PPFIA2: variants seen among roughly 807,000 people sequenced by gnomAD.
PPFIA2 encodes liprin-alpha-2.
In PPFIA2, 46 loss-of-function variants were observed where a neutral mutation model predicts 175.5. The ratio of observed to expected loss-of-function variants is 0.26; its 90% CI spans 0.21 to 0.34. The LOEUF (loss-of-function observed/expected upper bound fraction) is 0.34. Among genes scored for constraint, PPFIA2 ranks in the 10% least tolerant of loss-of-function variants. The pLI is 1.00. For synonymous variants in PPFIA2, 568 were observed against 511.4 expected, an observed-to-expected ratio of 1.11 and a Z score of -1.49; for missense variants, 1,179 against 1,506.1, an observed-to-expected ratio of 0.78 and a Z score of 3.60.
At chr12:81,362,614 A>T in intron 15 of PPFIA2, 79 bp downstream of exon 15, 2 of 897,000 alleles carry the variant, frequency 2.2e-6, no homozygotes, top group Non-Finnish European at 3.5e-6. Flanking sequence ...GATTTATTTT[A>T]GTTGAGGACA....
chr12:81,331,117 C>A (rs898555583), intron 21 of PPFIA2, among the ~76,000 whole-genome samples: 8 of 152,118 alleles, frequency 5.3e-5, no homozygotes, highest in Non-Finnish European at 1.0e-4. Context: ...TACAGTCATG[C>A]GCCACATAAA....
intron 4 of PPFIA2, among the ~76,000 whole-genome samples, chr12:81,506,788 C>T (rs1387187241): frequency 6.6e-6 from 1 of 152,178 alleles, no homozygotes; most frequent in African/African-American, 2.4e-5. Context: ...TCTGACTATA[C>T]AGTCTCTTTC....
At chr12:81,625,839 T>G (rs2062633814) in intron 4 of PPFIA2, among the ~76,000 whole-genome samples, 1 of 147,898 alleles carries the variant, frequency 6.8e-6, no homozygotes, top group African/African-American at 2.4e-5. Context: ...TTTTATATAT[T>G]ATTAAATATA....
At chr12:81,672,196 A>C (rs1474620729) in intron 4 of PPFIA2, among the ~76,000 whole-genome samples, 1 of 152,014 alleles carries the variant, frequency 6.6e-6, no homozygotes, top group African/African-American at 2.4e-5. Context: ...TATAAGGTTG[A>C]AATAATTTAA....
intron 4 of PPFIA2, among the ~76,000 whole-genome samples, chr12:81,594,932 A>G (rs1459680474): frequency 6.6e-6 from 1 of 151,998 alleles, no homozygotes; most frequent in Non-Finnish European, 1.5e-5. Flanking sequence ...ATAAAATAAA[A>G]TAAAAATATT....
chr12:81,532,308 G>A (rs761193838), intron 4 of PPFIA2, among the ~76,000 whole-genome samples: 3 of 151,682 alleles, frequency 2.0e-5, no homozygotes, highest in Non-Finnish European at 4.4e-5. Context: ...TGTAGAAATA[G>A]GAGGATAGGG....
At chr12:81,718,010 T>C (rs888636361) in intron 3 of PPFIA2, among the ~76,000 whole-genome samples, 2 of 151,648 alleles carry the variant, frequency 1.3e-5, no homozygotes, top group Non-Finnish European at 3.0e-5. Context: ...TGTCCCTCAC[T>C]GGAGAGGCAC....
At chr12:81,403,800 G>A (rs145115353) in intron 8 of PPFIA2, among the ~76,000 whole-genome samples, 43 of 152,196 alleles carry the variant, frequency 2.8e-4, no homozygotes, top group African/African-American at 1.0e-3. Flanking sequence ...ACAGGCCACC[G>A]TGCATGCAGA....
chr12:81,267,603 TG>T (rs1319000325), intron 29 of PPFIA2, among the ~76,000 whole-genome samples: 1 of 152,142 alleles, frequency 6.6e-6, no homozygotes, highest in Non-Finnish European at 1.5e-5. Flanking sequence ...TAAATAGAAA[TG>T]ACTGCCTCTC....
intron 4 of PPFIA2, among the ~76,000 whole-genome samples, chr12:81,654,437 T>G (rs1199190952): frequency 6.6e-6 from 1 of 152,040 alleles, no homozygotes; most frequent in Non-Finnish European, 1.5e-5. Context: ...TGGATCTTGG[T>G]GATTTGTTTA....
At chr12:81,341,322 C>T in intron 19 of PPFIA2, 114 bp from the exon 20 acceptor site, 10 of 1,051,790 alleles carry the variant, frequency 9.5e-6, no homozygotes, top group Non-Finnish European at 1.3e-5. Flanking sequence ...CAAAATAAAA[C>T]AACAAAACTT....
chr12:81,398,004 C>T (rs1596068563), intron 8 of PPFIA2, among the ~76,000 whole-genome samples: 1 of 151,926 alleles, frequency 6.6e-6, no homozygotes. Flanking sequence ...AGAGCTCCCA[C>T]TGATTCTACA....
chr12:81,518,039 T>A (rs964960143), intron 4 of PPFIA2, among the ~76,000 whole-genome samples: 2 of 152,040 alleles, frequency 1.3e-5, no homozygotes, highest in Admixed American at 6.6e-5. Context: ...TGTATACATA[T>A]GCAACAAACT....
chr12:81,480,453 C>A (rs1216428987), intron 4 of PPFIA2, among the ~76,000 whole-genome samples: 1 of 152,130 alleles, frequency 6.6e-6, no homozygotes, highest in African/African-American at 2.4e-5. Context: ...TATTCCCTTG[C>A]TGGTAAGGAG....
chr12:81,263,504 A>G, intron 30 of PPFIA2, 114 bp from the exon 31 acceptor site: 1 of 882,650 alleles, frequency 1.1e-6, no homozygotes, highest in Non-Finnish European at 1.7e-6. Context: ...TCTGTCAAGT[A>G]TACGTATGGA....
chr12:81,696,030 T>G (rs116729340), intron 3 of PPFIA2, among the ~76,000 whole-genome samples: 2,314 of 152,340 alleles, frequency 0.015, 30 homozygotes, highest in South Asian at 0.042. Context: ...AGTGTTGGTA[T>G]TAATACAAGA....
At chr12:81,342,346 C>G (rs549187856) in intron 19 of PPFIA2, among the ~76,000 whole-genome samples, 1 of 151,912 alleles carries the variant, frequency 6.6e-6, no homozygotes, top group Non-Finnish European at 1.5e-5. Context: ...CTTTAGAGTT[C>G]TGATGAAAAA....
In PPFIA2 at chr12:81,368,752, C is replaced by A; in HGVS notation, c.1455G>T (p.Lys485Asn). The A allele has an allele frequency of 6.2e-7, 1 of 1,609,318 alleles. No individual in the cohort carries two copies. The highest frequency in any genetic ancestry group is 2.2e-5 in the East Asian group (1 of 44,706). ...ESNERLQLHLKERMAALEEKN... is the reference protein window; with the variant it reads ...ESNERLQLHLNERMAALEEKN... ...TTTCTTCTAGAGCAGCCATTCTTTCCTTTAAGTGTAGTTGTAGGCGTTCAT... is the reference window on the plus strand; with the variant it reads ...TTTCTTCTAGAGCAGCCATTCTTTCATTTAAGTGTAGTTGTAGGCGTTCAT... The change falls in exon 13 of 33, where the codon AAG (lysine) becomes AAT (asparagine). Residue 485 changes from lysine to asparagine, a missense_variant. Coordinates refer to ENST00000549396, the MANE Select transcript of PPFIA2 (RefSeq NM_003625.5).
chr12:81,454,267 T>C (rs961068127), intron 5 of PPFIA2, among the ~76,000 whole-genome samples: 1 of 152,132 alleles, frequency 6.6e-6, no homozygotes, highest in Non-Finnish European at 1.5e-5. Context: ...TGTATTCTTC[T>C]TTGAACATAA....
Sources: gnomAD v4.1 joint callset for allele counts (sites outside exome capture counted in the v4.1 genomes callset) on GRCh38, gnomAD v4.1.1 for gene constraint, MANE v1.5 for transcripts, NCBI Gene and HGNC (gene_info 2026-07-23, HGNC 2026-07-21) for gene names.